The following WASHC2C variants were observed in gnomAD, a reference collection of about 807,000 sequenced individuals.
WASHC2C encodes the protein Vaccinia Penetration Factor.
A neutral mutation model predicts 142.2 loss-of-function variants in WASHC2C; 73 were observed. The observed-to-expected ratio is 0.51, with a 90% CI of 0.43 to 0.62. WASHC2C has a LOEUF of 0.62. Ranked by LOEUF, WASHC2C falls within the 20% of genes least tolerant of loss-of-function variation. The pLI is 0.00. For synonymous variants in WASHC2C, 337 were observed against 565.5 expected, an observed-to-expected ratio of 0.60 and a Z score of 5.73; for missense variants, 969 against 1,531.7, an observed-to-expected ratio of 0.63 and a Z score of 6.13.
chr10:45,790,630 G>A, intron 30 of WASHC2C, 97 bp downstream of exon 30: 1 of 1,558,922 alleles, frequency 6.4e-7, no homozygotes, highest in Non-Finnish European at 8.8e-7. Flanking sequence ...TCTGGAAAAT[G>A]CACCCCAGCG....
intron 8 of WASHC2C, among the ~76,000 whole-genome samples, chr10:45,749,819 C>G (rs555680279): frequency 9.0e-4 from 52 of 57,906 alleles, no homozygotes; most frequent in African/African-American, 3.6e-3. Flanking sequence ...GAGCAAGACT[C>G]CATCTCAAAA....
rs1270692909 is a variant in WASHC2C, at chr10:45,739,802, T to C, written c.355-271T>C. On this transcript the variant is annotated intron_variant, in intron 4 of 30. Transcript: ENST00000623400. ...ATTGTTGGGATACTTCTCCACACAC[T>C]AGTTGTACCTCTGCTTTTGTAGACG... 9.9e-5 allele frequency among the ~76,000 whole-genome samples: 15 copies of C among 152,214 alleles called. No individual in the cohort carries two copies. In the East Asian group the frequency reaches 2.9e-3, roughly 29 times the overall value.
chr10:45,727,922 GCCCAAAAAGCTCAGAACTGTTCGAGT>G (rs1463259982), intron 2 of WASHC2C, among the ~76,000 whole-genome samples: 4 of 152,352 alleles, frequency 2.6e-5, no homozygotes, highest in Non-Finnish European at 4.4e-5. Flanking sequence ...CAAATCGGGG[GCCCAAAAAGCTCAGAACTGTTCGAGT>G]CCCAAATGAA....
At chr10:45,764,084 C>CTT (rs1371019242) in intron 18 of WASHC2C, among the ~76,000 whole-genome samples, 1 of 151,012 alleles carries the variant, frequency 6.6e-6, no homozygotes, top group Non-Finnish European at 1.5e-5. Context: ...GACCCTTTAA[C>CTT]AGTGTGGAGG....
intron 23 of WASHC2C, among the ~76,000 whole-genome samples, chr10:45,784,291 C>CAAATAT (rs1270243147): frequency 2.3e-4 from 2 of 8,784 alleles, no homozygotes; most frequent in Non-Finnish European, 4.5e-4. Context: ...TATATATATA[C>CAAATAT]ACATATATAT....
At chr10:45,790,159 G>C (rs1157643651) in intron 29 of WASHC2C, among the ~76,000 whole-genome samples, 197 bp from the exon 30 acceptor site, 1 of 152,184 alleles carries the variant, frequency 6.6e-6, no homozygotes, top group Non-Finnish European at 1.5e-5. Flanking sequence ...CACTGCAGTG[G>C]CGGCATTTGA....
intron 20 of WASHC2C, chr10:45,771,683 G>C: frequency 2.2e-6 from 2 of 890,042 alleles, no homozygotes; most frequent in Non-Finnish European, 2.7e-6. Flanking sequence ...TGTCTGTCAA[G>C]TTTTGTGTAT....
At position 45,728,899 on chromosome 10, in the gene WASHC2C, T is replaced by C. The variant is rs1554861066; in HGVS notation, c.164T>C (p.Ile55Thr). The part of the protein sequence containing the change: ...QFLQEFSQQT[I>T]SRTHEIKKQV... The stretch of plus-strand genomic sequence containing the variant: ...CTACAGGAATTCTCACAGCAAACTA[T>C]CTCTAGGACCCATGAAATCAAGAAA... Residue 55 changes from isoleucine to threonine, a missense_variant, in exon 3 of 31, where the codon ATC becomes ACC. Transcript: ENST00000623400. The C allele has an allele frequency of 6.2e-7, 1 of 1,613,594 alleles. No homozygotes were observed. The highest frequency in any genetic ancestry group is 8.5e-7 in the Non-Finnish European group (1 of 1,179,788).
intron 3 of WASHC2C, among the ~76,000 whole-genome samples, chr10:45,732,124 T>A (rs1225522118): frequency 2.6e-5 from 4 of 152,166 alleles, no homozygotes; most frequent in African/African-American, 9.7e-5. Flanking sequence ...TTATTTTCAA[T>A]CCCTGACATC....
At chr10:45,770,710 C>A (rs1158256409) in intron 20 of WASHC2C, among the ~76,000 whole-genome samples, 1 of 152,216 alleles carries the variant, frequency 6.6e-6, no homozygotes, top group Non-Finnish European at 1.5e-5. Context: ...CACTCGGATG[C>A]ATCTTTGGTC....
At chr10:45,747,916 G>A (rs1431237546) in intron 8 of WASHC2C, among the ~76,000 whole-genome samples, 1 of 141,816 alleles carries the variant, frequency 7.1e-6, no homozygotes, top group African/African-American at 2.7e-5. Flanking sequence ...CCTTTGCTTC[G>A]GTGAACTGTT....
intron 20 of WASHC2C, among the ~76,000 whole-genome samples, chr10:45,770,848 T>C (rs1192404733): frequency 6.6e-6 from 1 of 152,152 alleles, no homozygotes; most frequent in East Asian, 1.9e-4. Context: ...TAAACAAAAA[T>C]AAAAACAGCA....
intron 3 of WASHC2C, among the ~76,000 whole-genome samples, chr10:45,731,635 C>T (rs1230919391): frequency 1.3e-5 from 2 of 151,610 alleles, no homozygotes; most frequent in Non-Finnish European, 2.9e-5. Flanking sequence ...TGCTGGTTGC[C>T]GCTGCCAAAT....
At position 45,755,093 on chromosome 10, in the gene WASHC2C, C is replaced by G. The variant is rs1564748157; in HGVS notation, c.1398C>G (p.Pro466=). The G allele has an allele frequency of 6.2e-7, 1 of 1,609,912 alleles. No homozygotes were observed. The highest frequency in any genetic ancestry group is 8.5e-7 in the Non-Finnish European group (1 of 1,179,066). ...ATGATGACGACTTTTTCTCGGCACC[C>G]CACAGCAAACCTTCTAAAACACGTA... is the stretch of plus-strand genomic sequence containing the variant. ...GDDDDDFFSA[P]HSKPSKTRKV... The change falls in exon 15 of 31, where the codon CCC becomes CCG. Residue 466 remains proline, a synonymous_variant. Coordinates refer to ENST00000623400, the MANE Select transcript of WASHC2C (RefSeq NM_001330074.2).
intron 17 of WASHC2C, among the ~76,000 whole-genome samples, chr10:45,761,969 A>G (rs1554880148): frequency 6.6e-6 from 1 of 151,756 alleles, no homozygotes; most frequent in East Asian, 1.9e-4. Context: ...TAGTGAACTC[A>G]TTAGGTCTAT....
At position 45,791,644 on chromosome 10, in the gene WASHC2C, A is replaced by G. The variant is rs2058401206; in HGVS notation, c.3887-617A>G. ...ATTGTTTCTGTTTTCTTTATTACAAATAATGCTGTGGTCTTTACCATTTGT... is the reference window on the plus strand; with the variant it reads ...ATTGTTTCTGTTTTCTTTATTACAAGTAATGCTGTGGTCTTTACCATTTGT... On this transcript the variant is annotated intron_variant, in intron 30 of 30. Coordinates refer to ENST00000623400, the MANE Select transcript of WASHC2C (RefSeq NM_001330074.2). Among the ~76,000 whole-genome samples the G allele has an allele frequency of 1.4e-5, 2 of 146,098 alleles. 1 individual carries two copies.
intron 18 of WASHC2C, among the ~76,000 whole-genome samples, chr10:45,765,285 G>A (rs1348516115): frequency 6.6e-6 from 1 of 150,718 alleles, no homozygotes; most frequent in Non-Finnish European, 1.5e-5. Flanking sequence ...TTTCTCATTC[G>A]TGGAGACAAC....
intron 17 of WASHC2C, among the ~76,000 whole-genome samples, chr10:45,761,197 G>C (rs1490906792): frequency 4.0e-5 from 6 of 151,792 alleles, no homozygotes; most frequent in Non-Finnish European, 8.8e-5. Context: ...TGGGCACTGG[G>C]GCCCCTGGGA....
At chr10:45,768,190 GCACTCCAGCC>G in intron 19 of WASHC2C, among the ~76,000 whole-genome samples, 1 of 148,536 alleles carries the variant, frequency 6.7e-6, no homozygotes, top group East Asian at 2.0e-4. Context: ...CCGCGCCACT[GCACTCCAGCC>G]CGGGCCACAG....
Sources: gnomAD v4.1 joint callset for allele counts (sites outside exome capture counted in the v4.1 genomes callset) on GRCh38, gnomAD v4.1.1 for gene constraint, MANE v1.5 for transcripts, NCBI Gene and HGNC (gene_info 2026-07-23, HGNC 2026-07-21) for gene names.